AUH: variants seen among roughly 807,000 people sequenced by gnomAD.
The protein encoded by AUH is methylglutaconyl-CoA hydratase, mitochondrial.
A neutral mutation model predicts 42.3 loss-of-function variants in AUH; 29 were observed. The ratio of observed to expected loss-of-function variants is 0.69; its 90% CI spans 0.51 to 0.93. AUH has a LOEUF of 0.93. Ranked by LOEUF, AUH falls within the 40% of genes least tolerant of loss-of-function variation. The pLI is 0.00. For synonymous variants in AUH, 174 were observed against 166.4 expected (o/e 1.05, Z -0.35); for missense variants, 452 against 438.1 (o/e 1.03, Z -0.28).
At chr9:91,351,942 T>C (rs1832023147) in intron 3 of AUH, among the ~76,000 whole-genome samples, 1 of 152,198 alleles carries the variant, frequency 6.6e-6, no homozygotes, top group African/African-American at 2.4e-5. Flanking sequence ...AGTATTTATA[T>C]GTACCTAAAC....
chr9:91,264,186 T>C (rs1829849174), intron 6 of AUH, among the ~76,000 whole-genome samples: 3 of 152,236 alleles, frequency 2.0e-5, no homozygotes, highest in African/African-American at 7.2e-5. Flanking sequence ...AGAGGTATAC[T>C]AAAATTACAT....
chr9:91,300,201 C>T (rs1827675623), intron 4 of AUH, among the ~76,000 whole-genome samples: 1 of 152,056 alleles, frequency 6.6e-6, no homozygotes, highest in Non-Finnish European at 1.5e-5. Context: ...CAGCCTTCTT[C>T]CCCTCTCAAT....
intron 3 of AUH, among the ~76,000 whole-genome samples, chr9:91,334,381 G>T (rs1303856261): frequency 2.8e-5 from 3 of 108,296 alleles, no homozygotes; most frequent in East Asian, 7.0e-4. Flanking sequence ...TTCCCTGAGG[G>T]CCTCAATAGA....
intron 3 of AUH, among the ~76,000 whole-genome samples, chr9:91,332,298 T>G (rs893119388): frequency 6.6e-5 from 10 of 152,078 alleles, no homozygotes; most frequent in African/African-American, 2.4e-4. Flanking sequence ...GGTCAGGAAT[T>G]CAAGACCAGC....
intron 1 of AUH, among the ~76,000 whole-genome samples, chr9:91,359,878 A>T (rs138681137): frequency 6.6e-6 from 1 of 152,314 alleles, no homozygotes; most frequent in East Asian, 1.9e-4. Context: ...TTGCTGGTTC[A>T]ACAGTAAAGC....
chr9:91,262,627 C>T (rs1298966612), intron 6 of AUH, among the ~76,000 whole-genome samples: 1 of 151,896 alleles, frequency 6.6e-6, no homozygotes, highest in Non-Finnish European at 1.5e-5. Context: ...ATTTAATCCT[C>T]ACAAAACTCT....
At chr9:91,219,244 G>A (rs985014877) in intron 7 of AUH, among the ~76,000 whole-genome samples, 1 of 152,236 alleles carries the variant, frequency 6.6e-6, no homozygotes, top group Non-Finnish European at 1.5e-5. Flanking sequence ...TGCCTATAGG[G>A]AGCTCTGAAG....
In AUH at chr9:91,222,025, C is replaced by T. The variant is rs1305604226; in HGVS notation, c.656-1033G>A. Among the ~76,000 whole-genome samples, 4 of 152,032 alleles carry T rather than the reference C, an allele frequency of 2.6e-5. 1 individual carries two copies. The highest frequency in any genetic ancestry group is 5.9e-5 in the Non-Finnish European group (4 of 67,986). ...AGAGGAGCAGCAGACTGCCCCCTTG[C>T]AGAGCAGGAAAAGCAAACTGACGCC... is the stretch of plus-strand genomic sequence containing the variant. On this transcript the variant is annotated intron_variant, in intron 6 of 9. Transcript: ENST00000375731.
chr9:91,340,033 T>G (rs1301614288), intron 3 of AUH, among the ~76,000 whole-genome samples: 1 of 152,128 alleles, frequency 6.6e-6, no homozygotes, highest in Admixed American at 6.5e-5. Context: ...ATGCTTAGGC[T>G]GAACAGTAAA....
Position 91,214,389 on chromosome 9 carries a change from C to T in AUH, c.979G>A (p.Ala327Thr). ...PTKDRLEGLL[A>T]FKEKRPPRYK... ...CGAGGGGGCCTTTTCTCTTTAAAAG[C>T]AAGAAGACCTTCAAGTCTGTCTTTT... Residue 327 changes from alanine (A) to threonine (T), a missense_variant, in exon 10 of 10, where the codon GCT becomes ACT. Coordinates refer to ENST00000375731, the MANE Select transcript of AUH (RefSeq NM_001698.3). 1 of 1,610,294 alleles carries T rather than the reference C, an allele frequency of 6.2e-7. No homozygotes were observed. The highest frequency in any genetic ancestry group is 8.5e-7 in the Non-Finnish European group (1 of 1,178,264).
At chr9:91,301,369 A>T (rs1848984) in intron 4 of AUH, among the ~76,000 whole-genome samples, 35,794 of 152,100 alleles carry the variant, frequency 0.24, 4,593 homozygotes, top group East Asian at 0.38. Flanking sequence ...TTCTCCAATA[A>T]GTTTATACTT....
At chr9:91,231,980 T>C (rs1041608790) in intron 6 of AUH, among the ~76,000 whole-genome samples, 1 of 151,902 alleles carries the variant, frequency 6.6e-6, no homozygotes, top group African/African-American at 2.4e-5. Context: ...AATAATAGTA[T>C]GTACTTATAT....
chr9:91,272,860 G>A (rs1825259758), intron 6 of AUH, among the ~76,000 whole-genome samples: 1 of 152,242 alleles, frequency 6.6e-6, no homozygotes, highest in African/African-American at 2.4e-5. Flanking sequence ...GTAAAATCAA[G>A]TAAGACCTAG....
chr9:91,283,016 G>C (rs1347438750), intron 6 of AUH, among the ~76,000 whole-genome samples: 1 of 152,046 alleles, frequency 6.6e-6, no homozygotes, highest in East Asian at 1.9e-4. Context: ...CAAAGAAAGA[G>C]AATTTTACAC....
chr9:91,315,060 A>G (rs1477515356), intron 4 of AUH, among the ~76,000 whole-genome samples: 2 of 152,180 alleles, frequency 1.3e-5, no homozygotes, highest in African/African-American at 2.4e-5. Flanking sequence ...AATAGCTGGC[A>G]CTACAGGCTA....
chr9:91,264,819 C>T (rs1451831094), intron 6 of AUH, among the ~76,000 whole-genome samples: 1 of 152,182 alleles, frequency 6.6e-6, no homozygotes, highest in Non-Finnish European at 1.5e-5. Flanking sequence ...CTGAAAATGT[C>T]TTAACTTTGC....
At chr9:91,249,292 CAAAAAAAAAAAAAAAAAAA>C (rs59102669) in intron 6 of AUH, among the ~76,000 whole-genome samples, 5 of 32,504 alleles carry the variant, frequency 1.5e-4, no homozygotes, top group Admixed American at 5.2e-4. Context: ...GAACCTGTCT[CAAAAAAAAAAAAAAAAAAA>C]AAAAAAAAAA....
intron 3 of AUH, among the ~76,000 whole-genome samples, chr9:91,328,747 C>T (rs1424804082): frequency 6.6e-6 from 1 of 152,164 alleles, no homozygotes. Context: ...TGATAAAATT[C>T]AATATTCATT....
intron 6 of AUH, among the ~76,000 whole-genome samples, chr9:91,265,539 TCTC>T (rs1400089375): frequency 1.3e-5 from 2 of 152,248 alleles, no homozygotes; most frequent in East Asian, 3.9e-4. Context: ...TGGGAACTGT[TCTC>T]CTCCACTCGT....
Sources: gnomAD v4.1 joint callset for allele counts (sites outside exome capture counted in the v4.1 genomes callset) on GRCh38, gnomAD v4.1.1 for gene constraint, MANE v1.5 for transcripts, NCBI Gene and HGNC (gene_info 2026-07-23, HGNC 2026-07-21) for gene names.